Variants in SAP18 observed in about 807,000 individuals in gnomAD.
The protein encoded by SAP18 is histone deacetylase complex subunit SAP18.
Under a neutral mutation model 18.6 loss-of-function variants are expected in SAP18, and 4 were observed. The observed-to-expected ratio is 0.21, with a 90% CI of 0.11 to 0.49. SAP18 has a LOEUF of 0.49. SAP18 is among the 20% of genes least tolerant of loss of function. SAP18 has a pLI of 0.98. For missense variants in SAP18, 170 were observed against 226.4 expected (o/e 0.75, Z 1.60); for synonymous variants, 112 against 82.8 (o/e 1.35, Z -1.92).
upstream of SAP18, chr13:21,140,492 C>A (rs934333275): frequency 1.3e-6 from 2 of 1,507,256 alleles, no homozygotes; most frequent in Non-Finnish European, 8.9e-7. Flanking sequence ...AGGAGACGCC[C>A]CGCCCAGCCC....
At chr13:21,142,062 G>A (rs1376394736) in intron 2 of SAP18, among the ~76,000 whole-genome samples, 4 of 149,774 alleles carry the variant, frequency 2.7e-5, no homozygotes, top group Non-Finnish European at 4.4e-5. Context: ...TGAGGCTGGC[G>A]GATCACTTGA....
exon 1 of SAP18, chr13:21,140,563 C>G (rs1555232654): frequency 6.3e-7 from 1 of 1,597,132 alleles, no homozygotes; most frequent in Non-Finnish European, 8.5e-7. Flanking sequence ...ATGCTCGCTG[C>G]AGGGGTCGGA....
At chr13:21,143,518 G>A (rs1869539900) in intron 2 of SAP18, among the ~76,000 whole-genome samples, 1 of 152,152 alleles carries the variant, frequency 6.6e-6, no homozygotes, top group Admixed American at 6.5e-5. Flanking sequence ...GTTGAATAAT[G>A]GCTTGATGAA....
intron 2 of SAP18, among the ~76,000 whole-genome samples, chr13:21,142,749 T>A (rs1314936221): frequency 6.6e-6 from 1 of 152,170 alleles, no homozygotes; most frequent in Non-Finnish European, 1.5e-5. Context: ...TCCTGCCTTT[T>A]TTTAATTTTT....
intron 2 of SAP18, among the ~76,000 whole-genome samples, chr13:21,145,506 C>G (rs1869619278): frequency 6.6e-6 from 1 of 151,690 alleles, no homozygotes; most frequent in Non-Finnish European, 1.5e-5. Flanking sequence ...CCAATGTGAC[C>G]TCAGGTTTTT....
chr13:21,141,417 C>G, intron 2 of SAP18: 1 of 182,034 alleles, frequency 5.5e-6, no homozygotes, highest in South Asian at 9.5e-5. Flanking sequence ...AATATTAAGC[C>G]TTAGGTACCA....
At chr13:21,142,270 G>C (rs370494506) in intron 2 of SAP18, among the ~76,000 whole-genome samples, 1 of 150,950 alleles carries the variant, frequency 6.6e-6, no homozygotes, top group African/African-American at 2.4e-5. Flanking sequence ...CTGGGCGACA[G>C]AGCGAGACTC....
intron 2 of SAP18, among the ~76,000 whole-genome samples, chr13:21,144,828 G>T (rs1869590553): frequency 6.6e-6 from 1 of 152,120 alleles, no homozygotes; most frequent in South Asian, 2.1e-4. Flanking sequence ...GTTTCACACT[G>T]TCAGAACTGA....
chr13:21,140,500 C>A (rs564217124), upstream of SAP18: 17 of 1,534,432 alleles, frequency 1.1e-5, no homozygotes, highest in Non-Finnish European at 1.4e-5. Context: ...CCCCGCCCAG[C>A]CCCTGGCCGA....
chr13:21,140,473 G>T (rs1324635986), upstream of SAP18: 8 of 1,460,438 alleles, frequency 5.5e-6, no homozygotes, highest in Non-Finnish European at 7.3e-6. Context: ...ACGGAAGTGC[G>T]CCTGCGCCAG....
chr13:21,140,894 A>T (rs764700763), exon 2 of SAP18: 5 of 1,613,346 alleles, frequency 3.1e-6, no homozygotes, highest in Non-Finnish European at 4.2e-6. Context: ...AGACATGCCC[A>T]CTGTTGCTAC....
Position 21,140,519 on chromosome 13 carries a change from T to C in SAP18, c.-34T>C, listed in dbSNP as rs540223029. 349 of 1,554,832 alleles carry C rather than the reference T, an allele frequency of 2.2e-4. 2 individuals carry two copies. In the South Asian group the frequency reaches 2.7e-3, roughly 12 times the overall value. On this transcript the variant is annotated 5_prime_UTR_variant, in exon 1 of 4. Transcript: ENST00000621421. ...GCCCAGCCCCTGGCCGACTATAAAG[T>C]GTCGAGCTTCTCCTCGCGAGAGACT...
chr13:21,141,113 C>A, intron 2 of SAP18, 118 bp downstream of exon 2: 2 of 701,002 alleles, frequency 2.9e-6, no homozygotes, highest in Non-Finnish European at 5.0e-6. Context: ...CACTTGGGGC[C>A]TTCGGACTCA....
intron 2 of SAP18, 76 bp from the exon 3 acceptor site, chr13:21,146,729 C>T: frequency 8.6e-7 from 1 of 1,159,444 alleles, no homozygotes; most frequent in Non-Finnish European, 1.2e-6. Context: ...ATGTAATTAA[C>T]TCATTGTTAG....
chr13:21,140,445 C>T (rs975446690), upstream of SAP18: 32 of 1,310,582 alleles, frequency 2.4e-5, no homozygotes, highest in Non-Finnish European at 3.0e-5. Context: ...CAGGCGCGCT[C>T]CGGCTCGCTC....
exon 4 of SAP18, chr13:21,147,379 A>G (rs369167136): frequency 2.7e-5 from 42 of 1,563,968 alleles, no homozygotes; most frequent in Non-Finnish European, 3.3e-5. Flanking sequence ...TTTTTCCGTC[A>G]GTTATGTAAA....
At chr13:21,144,832 G>C (rs1344025620) in intron 2 of SAP18, among the ~76,000 whole-genome samples, 1 of 152,142 alleles carries the variant, frequency 6.6e-6, no homozygotes, top group African/African-American at 2.4e-5. Context: ...CACACTGTCA[G>C]AACTGATAAA....
At chr13:21,147,847 C>T (rs1222000017) in exon 4 of SAP18, 1 of 153,108 alleles carries the variant, frequency 6.5e-6, no homozygotes, top group African/African-American at 2.4e-5. Context: ...ACGAGATTGC[C>T]CCGCCTTGAT....
At chr13:21,141,142 GT>G in intron 2 of SAP18, 147 bp downstream of exon 2, 1 of 626,370 alleles carries the variant, frequency 1.6e-6, no homozygotes. Flanking sequence ...GAAGTTAGAA[GT>G]TTTTGTTGTT....
Sources: allele counts gnomAD v4.1 joint callset (sites outside exome capture counted in the v4.1 genomes callset), GRCh38; gene constraint gnomAD v4.1.1; transcripts MANE v1.5; gene names NCBI Gene and HGNC (gene_info 2026-07-23, HGNC 2026-07-21).